VPS35L: variants seen among roughly 807,000 people sequenced by gnomAD.
VPS35L encodes the protein VPS35 endosomal protein-sorting factor-like.
A neutral mutation model predicts 133.0 loss-of-function variants in VPS35L; 83 were observed. That is an observed-to-expected ratio of 0.62 (90% CI 0.52 to 0.75). VPS35L has a LOEUF of 0.75. Among genes scored for constraint, VPS35L ranks in the 30% least tolerant of loss-of-function variants. VPS35L has a pLI of 0.00. For missense variants in VPS35L, 1,083 were observed against 1,206.8 expected (o/e 0.90, Z 1.52); for synonymous variants, 423 against 449.9 (o/e 0.94, Z 0.76).
At chr16:19,598,631 A>T (rs1972287233) in intron 8 of VPS35L, among the ~76,000 whole-genome samples, 1 of 152,006 alleles carries the variant, frequency 6.6e-6, no homozygotes, top group Non-Finnish European at 1.5e-5. Context: ...GAAAAATTTA[A>T]AAGTTAGCCA....
intron 28 of VPS35L, among the ~76,000 whole-genome samples, chr16:19,685,159 A>G (rs1049464301): frequency 6.6e-6 from 1 of 152,210 alleles, no homozygotes; most frequent in Admixed American, 6.5e-5. Context: ...GCAGGTAACC[A>G]CAGTCCAGAT....
intron 26 of VPS35L, among the ~76,000 whole-genome samples, chr16:19,658,617 C>T (rs1009575131): frequency 2.0e-5 from 3 of 151,864 alleles, no homozygotes; most frequent in Admixed American, 6.6e-5. Context: ...TGATAAAGCT[C>T]ATGCACTATG....
chr16:19,651,921 G>T (rs1005303813), intron 25 of VPS35L, 55 bp from the exon 26 acceptor site: 18 of 1,237,842 alleles, frequency 1.5e-5, no homozygotes, highest in Non-Finnish European at 2.1e-5. Context: ...GAAAACAGGA[G>T]TATGATTCTG....
chr16:19,566,379 C>G (rs1971190105), intron 2 of VPS35L, among the ~76,000 whole-genome samples: 1 of 152,050 alleles, frequency 6.6e-6, no homozygotes, highest in Non-Finnish European at 1.5e-5. Flanking sequence ...GCCTGTAGTC[C>G]CAACTACTCA....
rs537118856 is a variant in VPS35L at position 19,688,726 on chromosome 16, G to A, written c.2528-2627G>A. On this transcript the variant is annotated intron_variant, in intron 28 of 30. Coordinates refer to ENST00000417362, the MANE Select transcript of VPS35L (RefSeq NM_020314.7). ...TGCTTGTTCACAGCCGGTTATGCTC[G>A]GCCACATACAAGTCCCCATCTGGTA... Among the ~76,000 whole-genome samples, 6 of 152,256 alleles carry A rather than the reference G, an allele frequency of 3.9e-5. No homozygotes were observed. The South Asian group carries it at 6.2e-4, about 16-fold the overall frequency.
At chr16:19,694,892 GC>G (rs778379407) in intron 29 of VPS35L, among the ~76,000 whole-genome samples, 2 of 151,980 alleles carry the variant, frequency 1.3e-5, no homozygotes, top group Non-Finnish European at 2.9e-5. Context: ...TGTAATCCCA[GC>G]TACTTGGGAG....
chr16:19,664,296 C>T (rs1423141869), intron 26 of VPS35L, among the ~76,000 whole-genome samples: 4 of 151,980 alleles, frequency 2.6e-5, no homozygotes, highest in South Asian at 2.1e-4. Context: ...ACGGTGGCTG[C>T]GTTTCTGGAG....
chr16:19,601,653 T>C lies in VPS35L; in HGVS notation c.725-11T>C. 1 of 1,613,956 alleles carries C rather than the reference T, an allele frequency of 6.2e-7. No individual in the cohort carries two copies. The highest frequency in any genetic ancestry group is 8.5e-7 in the Non-Finnish European group (1 of 1,179,864). ...GTGTGATACTAACACCATCTGTCCT[T>C]TTCCTCCCAGGAAAGCTCGTGTACG... On this transcript the variant is annotated splice_polypyrimidine_tract_variant and intron_variant, in intron 8 of 30. Coordinates refer to ENST00000417362, the MANE Select transcript of VPS35L (RefSeq NM_020314.7).
intron 28 of VPS35L, among the ~76,000 whole-genome samples, chr16:19,688,075 C>T (rs1291974736): frequency 1.3e-5 from 2 of 151,364 alleles, no homozygotes; most frequent in Admixed American, 6.6e-5. Context: ...TACAGGCACA[C>T]ATCACCACAT....
chr16:19,607,925 G>A (rs115034973), intron 9 of VPS35L: 10 of 406,490 alleles, frequency 2.5e-5, no homozygotes, highest in Admixed American at 3.8e-5. Context: ...ATAAAACTAC[G>A]TACCTCAGAG....
intron 12 of VPS35L, among the ~76,000 whole-genome samples, chr16:19,611,280 G>A (rs926327599): frequency 2.6e-5 from 4 of 152,168 alleles, no homozygotes; most frequent in Non-Finnish European, 5.9e-5. Context: ...GATTACAGGC[G>A]TGAGCCACTG....
At chr16:19,578,916 T>C in intron 5 of VPS35L, 136 bp from the exon 6 acceptor site, 1 of 772,536 alleles carries the variant, frequency 1.3e-6, no homozygotes, top group Non-Finnish European at 2.2e-6. Context: ...GCTTTGAAAA[T>C]CTGGGATAGT....
intron 27 of VPS35L, among the ~76,000 whole-genome samples, chr16:19,670,151 C>T (rs925884026): frequency 6.6e-6 from 1 of 152,212 alleles, no homozygotes; most frequent in African/African-American, 2.4e-5. Flanking sequence ...AAAGAAAAAG[C>T]AAGGGCAAGC....
At chr16:19,605,106 C>G (rs1972500702) in intron 9 of VPS35L, among the ~76,000 whole-genome samples, 1 of 152,132 alleles carries the variant, frequency 6.6e-6, no homozygotes, top group Admixed American at 6.5e-5. Context: ...CCAGCACATG[C>G]TAACTAAGAT....
rs1020933001 is a variant in VPS35L at position 19,692,854 on chromosome 16, C to T, written c.2646+1383C>T. On this transcript the variant is annotated intron_variant, in intron 29 of 30. Coordinates refer to ENST00000417362, the MANE Select transcript of VPS35L (RefSeq NM_020314.7). ...CTGGGATTACAGGCATGAGCTATTGCGCCCGGCCAATATATACCCATTCTG... is the reference window on the plus strand; with the variant it reads ...CTGGGATTACAGGCATGAGCTATTGTGCCCGGCCAATATATACCCATTCTG... Among the ~76,000 whole-genome samples the T allele has an allele frequency of 2.6e-5, 4 of 152,296 alleles. No homozygotes were observed. In the South Asian group the frequency reaches 8.3e-4, roughly 32 times the overall value.
chr16:19,596,264 G>A (rs2151533277), intron 8 of VPS35L, among the ~76,000 whole-genome samples: 1 of 135,192 alleles, frequency 7.4e-6, no homozygotes, highest in African/African-American at 3.0e-5. Context: ...CATTGCTTAT[G>A]GGGGAATGCA....
rs905337775 is a variant in VPS35L, at chr16:19,616,677, C to T, written c.1102-9C>T. 2 of 1,611,484 alleles carry T rather than the reference C, an allele frequency of 1.2e-6. No homozygotes were observed. The highest frequency in any genetic ancestry group is 1.7e-6 in the Non-Finnish European group (2 of 1,178,670). On this transcript the variant is annotated splice_polypyrimidine_tract_variant and intron_variant, in intron 13 of 30. Coordinates refer to ENST00000417362, the MANE Select transcript of VPS35L (RefSeq NM_020314.7). ...CTCCTTTTCTAAGTGTTTGTTTGGC[C>T]TCCTGTAGATTCATGGGGATACGGT...
chr16:19,568,722 T>C (rs1370429504), intron 2 of VPS35L, among the ~76,000 whole-genome samples: 1 of 152,148 alleles, frequency 6.6e-6, no homozygotes, highest in Non-Finnish European at 1.5e-5. Context: ...CTCGGCTCAC[T>C]GCAACCTCCA....
At position 19,700,609 on chromosome 16, in the gene VPS35L, A is replaced by G. The variant is rs569906263; in HGVS notation, c.*133A>G. ...TTTTACATATGTACAAATTGTTTTAAGCTTTGGCCTCTATCCAGGTTATTC... is the reference window on the plus strand; with the variant it reads ...TTTTACATATGTACAAATTGTTTTAGGCTTTGGCCTCTATCCAGGTTATTC... On this transcript the variant is annotated 3_prime_UTR_variant, in exon 31 of 31. Coordinates refer to ENST00000417362, the MANE Select transcript of VPS35L (RefSeq NM_020314.7). The G allele has an allele frequency of 1.4e-6, 1 of 732,216 alleles. No homozygotes were observed. The highest frequency in any genetic ancestry group is 2.3e-6 in the Non-Finnish European group (1 of 441,792). The allele number at this position is 732,216 out of a possible 1,614,324, so 45.4% of individuals were successfully genotyped here.
Sources: allele counts gnomAD v4.1 joint callset (sites outside exome capture counted in the v4.1 genomes callset), GRCh38; gene constraint gnomAD v4.1.1; transcripts MANE v1.5; gene names NCBI Gene and HGNC (gene_info 2026-07-23, HGNC 2026-07-21).